COG5: variants seen among roughly 807,000 people sequenced by gnomAD.
COG5 encodes the protein conserved oligomeric Golgi complex subunit 5.
Under a neutral mutation model 110.4 loss-of-function variants are expected in COG5, and 86 were observed. The observed-to-expected ratio is 0.78, with a 90% confidence interval of 0.65 to 0.93. COG5 has a LOEUF of 0.93. COG5 is among the 40% of genes least tolerant of loss of function. The probability of loss-of-function intolerance (pLI) is 0.00; values close to 1 mark genes in which losing one functional copy is unlikely to be tolerated. For missense variants in COG5, 1,077 were observed against 987.0 expected (o/e 1.09, Z -1.22); for synonymous variants, 360 against 334.6 (o/e 1.08, Z -0.83).
intron 12 of COG5, among the ~76,000 whole-genome samples, chr7:107,290,953 G>A (rs1254111564): frequency 6.6e-6 from 1 of 152,178 alleles, no homozygotes; most frequent in Non-Finnish European, 1.5e-5. Flanking sequence ...ACCGCACCCA[G>A]CCGATTGTAT....
chr7:107,529,417 T>C (rs143357883), intron 5 of COG5, among the ~76,000 whole-genome samples: 332 of 152,300 alleles, frequency 2.2e-3, no homozygotes, highest in South Asian at 4.1e-3. Context: ...AAAGTGTTAA[T>C]TGAATGCAAA....
chr7:107,254,300 G>A (rs534302468), intron 16 of COG5, among the ~76,000 whole-genome samples: 10 of 152,068 alleles, frequency 6.6e-5, no homozygotes, highest in Admixed American at 1.3e-4. Context: ...TTTATACATC[G>A]TAACTCTCTA....
intron 5 of COG5, among the ~76,000 whole-genome samples, chr7:107,534,129 C>T (rs2129162832): frequency 6.6e-6 from 1 of 151,728 alleles, no homozygotes; most frequent in East Asian, 1.9e-4. Flanking sequence ...GAGATTTTAT[C>T]ACCACCAGGC....
chr7:107,363,411 C>T (rs1470306113), intron 8 of COG5, among the ~76,000 whole-genome samples: 2 of 152,070 alleles, frequency 1.3e-5, no homozygotes, highest in East Asian at 3.9e-4. Flanking sequence ...TTCCACAACA[C>T]AAATTTCAGA....
At chr7:107,489,503 A>G (rs1484418509) in intron 6 of COG5, among the ~76,000 whole-genome samples, 1 of 152,202 alleles carries the variant, frequency 6.6e-6, no homozygotes, top group Admixed American at 6.6e-5. Context: ...TTTGTCTTAC[A>G]GAAGTCTGAT....
At chr7:107,323,372 T>C (rs933644334) in intron 11 of COG5, among the ~76,000 whole-genome samples, 2 of 151,758 alleles carry the variant, frequency 1.3e-5, no homozygotes, top group East Asian at 1.9e-4. Flanking sequence ...TTACTAAAAA[T>C]ACAAAAAAAT....
At chr7:107,292,882 T>C (rs139299447) in intron 12 of COG5, among the ~76,000 whole-genome samples, 1 of 152,320 alleles carries the variant, frequency 6.6e-6, no homozygotes, top group African/African-American at 2.4e-5. Context: ...AATGCACACT[T>C]ACATGTAGAC....
intron 6 of COG5, among the ~76,000 whole-genome samples, chr7:107,451,054 T>C (rs564309689): frequency 2.6e-5 from 4 of 152,196 alleles, no homozygotes; most frequent in African/African-American, 7.2e-5. Context: ...AGAACTCCAA[T>C]AGAGAGAACA....
chr7:107,474,139 A>C lies in COG5; in HGVS notation c.538+53098T>G. 6.2e-7 allele frequency: 1 copy of C among 1,607,648 alleles called. No individual in the cohort carries two copies. The highest frequency in any genetic ancestry group is 1.3e-5 in the African/African-American group (1 of 74,882). ...AGTGCGAGATGACATTGATGACATC[A>C]ACACCAATATGTACCAACCACTATC... On this transcript the variant is annotated intron_variant, in intron 6 of 21. Coordinates refer to ENST00000297135, the MANE Select transcript of COG5 (RefSeq NM_006348.5). This position sits in a 1 kb window ranked among gnomAD's most constrained non-coding sequence, Gnocchi z 5.7.
At chr7:107,528,882 A>G (rs957791622) in intron 5 of COG5, among the ~76,000 whole-genome samples, 2 of 152,184 alleles carry the variant, frequency 1.3e-5, no homozygotes, top group Non-Finnish European at 2.9e-5. Context: ...TGCACTCACA[A>G]GCAATACACC....
At chr7:107,386,707 G>T (rs1027654079) in intron 7 of COG5, among the ~76,000 whole-genome samples, 1 of 152,150 alleles carries the variant, frequency 6.6e-6, no homozygotes, top group African/African-American at 2.4e-5. Flanking sequence ...GCAAACTGTT[G>T]TAACCCAAAG....
intron 6 of COG5, among the ~76,000 whole-genome samples, chr7:107,420,500 G>T (rs990335899): frequency 6.6e-6 from 1 of 152,080 alleles, no homozygotes; most frequent in African/African-American, 2.4e-5. Flanking sequence ...TTGCTCTGTC[G>T]CTCAGGCTGG....
intron 6 of COG5, among the ~76,000 whole-genome samples, chr7:107,429,348 G>C (rs1341352668): frequency 6.6e-6 from 1 of 151,968 alleles, no homozygotes; most frequent in East Asian, 1.9e-4. Flanking sequence ...ATATCATTGT[G>C]GTTTGATTTG....
intron 6 of COG5, among the ~76,000 whole-genome samples, chr7:107,429,872 C>CA (rs1793898159): frequency 6.6e-6 from 1 of 152,166 alleles, no homozygotes; most frequent in South Asian, 2.1e-4. Context: ...ATGGAACTGT[C>CA]AGTCCATTAA....
chr7:107,214,865 G>T lies in COG5; in HGVS notation c.2169-3640C>A, dbSNP rs185277391. 6.6e-5 allele frequency among the ~76,000 whole-genome samples: 10 copies of T among 150,674 alleles called. No homozygotes were observed. In the East Asian group the frequency reaches 1.4e-3, roughly 20 times the overall value. On this transcript the variant is annotated intron_variant, in intron 19 of 21. Transcript: ENST00000297135. ...TGAACGGGGAGGTGGTGGTTGTAGT[G>T]AGCCAAGATGGCACCAATGCACCCC...
At chr7:107,262,050 G>A (rs528362702) in intron 14 of COG5, among the ~76,000 whole-genome samples, 3 of 151,678 alleles carry the variant, frequency 2.0e-5, no homozygotes, top group Non-Finnish European at 4.4e-5. Context: ...GTCACCATGC[G>A]TGGCTAATTT....
chr7:107,299,178 G>C (rs1807026273), intron 11 of COG5, among the ~76,000 whole-genome samples: 1 of 151,938 alleles, frequency 6.6e-6, no homozygotes, highest in African/African-American at 2.4e-5. Flanking sequence ...AAATAATAAA[G>C]CTCTGAGAAC....
rs545980621 is a variant in COG5 at position 107,552,044 on chromosome 7, G to T, written c.292+2241C>A. 5.3e-5 allele frequency among the ~76,000 whole-genome samples: 8 copies of T among 152,304 alleles called. No individual in the cohort carries two copies. The South Asian group carries it at 1.7e-3, about 32-fold the overall frequency. On this transcript the variant is annotated intron_variant, in intron 3 of 21. Coordinates refer to ENST00000297135, the MANE Select transcript of COG5 (RefSeq NM_006348.5). ...AATCATTCTAATTCAGTCTAGCAGTGTATTTCAAATATTTTAATCTTTGAA... is the reference window on the plus strand; with the variant it reads ...AATCATTCTAATTCAGTCTAGCAGTTTATTTCAAATATTTTAATCTTTGAA...
intron 6 of COG5, among the ~76,000 whole-genome samples, chr7:107,488,592 C>T (rs1415265341): frequency 6.6e-6 from 1 of 152,092 alleles, no homozygotes; most frequent in Admixed American, 6.6e-5. Context: ...CGCCTGTAAT[C>T]CCAGCGCTTT....
Sources: allele counts gnomAD v4.1 joint callset (sites outside exome capture counted in the v4.1 genomes callset), GRCh38; gene constraint gnomAD v4.1.1; non-coding constraint Gnocchi (gnomAD v3.1); transcripts MANE v1.5; gene names NCBI Gene and HGNC (gene_info 2026-07-23, HGNC 2026-07-21).